Variants in XKR4 observed in about 807,000 individuals in gnomAD.
The protein encoded by XKR4 is XK related 4.
XKR4 carries 12 observed loss-of-function variants against 53.9 expected under a neutral mutation model. That is an observed-to-expected ratio of 0.22 (90% confidence interval 0.14 to 0.36). The LOEUF (loss-of-function observed/expected upper bound fraction) is 0.36. XKR4 is among the 10% of genes least tolerant of loss of function. XKR4 has a pLI of 1.00. For synonymous variants in XKR4, 354 were observed against 362.4 expected (o/e 0.98, Z 0.26); for missense variants, 799 against 859.5 (o/e 0.93, Z 0.88).
At chr8:55,441,083 G>C (rs1032074608) in intron 2 of XKR4, among the ~76,000 whole-genome samples, 1 of 145,004 alleles carries the variant, frequency 6.9e-6, no homozygotes, top group African/African-American at 2.6e-5. Flanking sequence ...AAAAAAAAAT[G>C]TTTAAAATTA....
At chr8:55,180,874 G>T (rs1817301964) in intron 1 of XKR4, among the ~76,000 whole-genome samples, 1 of 151,786 alleles carries the variant, frequency 6.6e-6, no homozygotes, top group African/African-American at 2.4e-5. Flanking sequence ...TTCTCACTAG[G>T]CTTTCTTGTC....
intron 1 of XKR4, among the ~76,000 whole-genome samples, chr8:55,239,848 T>C (rs1585960168): frequency 6.6e-6 from 1 of 152,326 alleles, no homozygotes; most frequent in East Asian, 1.9e-4. Context: ...TAGTTGATAC[T>C]TCAAGGCAGC....
rs113572980 is a variant in XKR4, at chr8:55,396,442, G to A, written c.1006+38565G>A. On this transcript the variant is annotated intron_variant, in intron 2 of 2. Transcript: ENST00000327381. ...TTGCAGAGGATGAAATCAATGTCAC[G>A]GAAAACTTGGGGTAATTGGGGATCA... Among the ~76,000 whole-genome samples the A allele has an allele frequency of 7.0e-3, 839 of 119,070 alleles. 6 individuals carry two copies. The highest frequency in any genetic ancestry group is 0.01 in the Non-Finnish European group (632 of 62,442). 78.1% of individuals were successfully genotyped at this position (119,070 alleles called of 152,430 possible).
chr8:55,432,038 T>TA (rs1459777395), intron 2 of XKR4, among the ~76,000 whole-genome samples: 5 of 152,194 alleles, frequency 3.3e-5, no homozygotes, highest in Admixed American at 1.3e-4. Flanking sequence ...CATGCTCACA[T>TA]AATATTGTGG....
At chr8:55,271,676 C>A (rs1585979277) in intron 1 of XKR4, among the ~76,000 whole-genome samples, 1 of 152,246 alleles carries the variant, frequency 6.6e-6, no homozygotes, top group Non-Finnish European at 1.5e-5. Context: ...AGGCAGCTAA[C>A]TAGAAACAGG....
At chr8:55,174,383 A>G (rs1221716295) in intron 1 of XKR4, among the ~76,000 whole-genome samples, 1 of 152,154 alleles carries the variant, frequency 6.6e-6, no homozygotes, top group Non-Finnish European at 1.5e-5. Flanking sequence ...TTTTTTCTGC[A>G]TCCTGCATTG....
chr8:55,260,442 G>A (rs1222849273), intron 1 of XKR4, among the ~76,000 whole-genome samples: 1 of 152,214 alleles, frequency 6.6e-6, no homozygotes, highest in African/African-American at 2.4e-5. Flanking sequence ...CCCTACTGAA[G>A]CAGTATTGTT....
chr8:55,228,835 G>A (rs1817992119), intron 1 of XKR4, among the ~76,000 whole-genome samples: 1 of 88,614 alleles, frequency 1.1e-5, no homozygotes, highest in East Asian at 3.1e-4. Context: ...ATGTATATGT[G>A]TGTATGTACA....
chr8:55,288,637 G>A (rs1818940775), intron 1 of XKR4, among the ~76,000 whole-genome samples: 1 of 152,104 alleles, frequency 6.6e-6, no homozygotes, highest in Non-Finnish European at 1.5e-5. Flanking sequence ...TTTATCTATT[G>A]TATTTTTAAT....
chr8:55,511,443 C>T (rs1381406312), intron 2 of XKR4, among the ~76,000 whole-genome samples: 1 of 152,134 alleles, frequency 6.6e-6, no homozygotes, highest in African/African-American at 2.4e-5. Context: ...CTTCTGCCTT[C>T]CCCCAACCAG....
intron 1 of XKR4, among the ~76,000 whole-genome samples, chr8:55,187,941 T>C (rs924587893): frequency 2.0e-5 from 3 of 152,250 alleles, no homozygotes; most frequent in African/African-American, 7.2e-5. Context: ...ATTTAAAGAT[T>C]GAGTTTTCTC....
At chr8:55,162,193 A>G (rs962193542) in intron 1 of XKR4, among the ~76,000 whole-genome samples, 1 of 152,144 alleles carries the variant, frequency 6.6e-6, no homozygotes, top group Non-Finnish European at 1.5e-5. Flanking sequence ...GATGTTCATC[A>G]CAGTCTACTG....
chr8:55,379,644 A>G (rs1804203294), intron 2 of XKR4, among the ~76,000 whole-genome samples: 1 of 152,218 alleles, frequency 6.6e-6, no homozygotes, highest in African/African-American at 2.4e-5. Context: ...TTGTATGTCC[A>G]AGGAGAGCAG....
At chr8:55,228,773 G>T (rs1817991723) in intron 1 of XKR4, among the ~76,000 whole-genome samples, 1 of 151,896 alleles carries the variant, frequency 6.6e-6, no homozygotes, top group South Asian at 2.1e-4. Flanking sequence ...CACCACAGTT[G>T]TAATTACTTT....
intron 1 of XKR4, 51 bp from the exon 2 acceptor site, chr8:55,357,627 T>G: frequency 6.3e-7 from 1 of 1,598,264 alleles, no homozygotes; most frequent in Non-Finnish European, 8.6e-7. Context: ...GAGTTTGAAT[T>G]ATAAACTATC....
At chr8:55,499,318 T>C (rs963855266) in intron 2 of XKR4, among the ~76,000 whole-genome samples, 3 of 152,232 alleles carry the variant, frequency 2.0e-5, no homozygotes, top group Non-Finnish European at 4.4e-5. Flanking sequence ...AAAGGGGTTA[T>C]TAACATGTTC....
intron 1 of XKR4, among the ~76,000 whole-genome samples, chr8:55,282,140 C>A (rs16921542): frequency 0.13 from 20,362 of 152,152 alleles, 1,578 homozygotes; most frequent in Non-Finnish European, 0.18. Context: ...AGGGTATTAT[C>A]CTGGTTCCTT....
intron 1 of XKR4, among the ~76,000 whole-genome samples, chr8:55,103,533 C>A (rs775032735): frequency 2.1e-4 from 32 of 152,058 alleles, no homozygotes; most frequent in Admixed American, 5.9e-4. Flanking sequence ...CACCTCATCC[C>A]TTCTGTCTTC....
chr8:55,229,930 C>G (rs1179874557), intron 1 of XKR4, among the ~76,000 whole-genome samples: 1 of 151,510 alleles, frequency 6.6e-6, no homozygotes, highest in South Asian at 2.1e-4. Context: ...TAACTCATGC[C>G]CCTTTTGAGC....
Sources: allele counts gnomAD v4.1 joint callset (sites outside exome capture counted in the v4.1 genomes callset), GRCh38; gene constraint gnomAD v4.1.1; transcripts MANE v1.5; gene names NCBI Gene and HGNC (gene_info 2026-07-23, HGNC 2026-07-21).